The following SRBD1 variants were observed in gnomAD, a reference collection of about 807,000 sequenced individuals.
SRBD1 encodes the protein S1 RNA binding domain 1.
Under a neutral mutation model 115.3 loss-of-function variants are expected in SRBD1, and 88 were observed. The observed-to-expected ratio is 0.76, with a 90% CI of 0.64 to 0.91. The LOEUF (loss-of-function observed/expected upper bound fraction) is 0.91, where lower values mean the gene tolerates loss of function less well. SRBD1 is among the 40% of genes least tolerant of loss of function. The probability of loss-of-function intolerance (pLI) is 0.00; values close to 1 mark genes in which losing one functional copy is unlikely to be tolerated. For synonymous variants in SRBD1, 509 were observed against 407.7 expected, an observed-to-expected ratio of 1.25 and a Z score of -2.99; for missense variants, 1,385 against 1,177.4, an observed-to-expected ratio of 1.18 and a Z score of -2.58.
intron 14 of SRBD1, among the ~76,000 whole-genome samples, chr2:45,500,427 AT>A (rs34766902): frequency 0.13 from 19,140 of 144,846 alleles, 1,262 homozygotes; most frequent in South Asian, 0.2. Flanking sequence ...AACAATATTG[AT>A]TTTTTTTTTT....
chr2:45,562,742 G>T lies in SRBD1; in HGVS notation c.1320C>A (p.Asn440Lys). 1.9e-6 allele frequency: 3 copies of T among 1,605,892 alleles called. No individual in the cohort carries two copies. Among genetic ancestry groups the T allele is most frequent in the Non-Finnish European group, 2.5e-6 (3 of 1,177,562 alleles). ...NIHHHQILAI[N>K]RGENLKVLTV... ...TCAGTACCTTCAAATTTTCTCCACG[G>T]TTAATTGCCAGAATCTGAGTGCAAA... Residue 440 changes from asparagine to lysine, a missense_variant, in exon 10 of 21, where the codon AAC becomes AAA. Asn to Lys is a moderately conservative substitution (Grantham distance 94, BLOSUM62 0). Transcript: ENST00000263736.
intron 19 of SRBD1, among the ~76,000 whole-genome samples, chr2:45,403,265 G>A (rs1166350061): frequency 6.6e-6 from 1 of 151,862 alleles, no homozygotes; most frequent in East Asian, 1.9e-4. Context: ...AGGAAAGGAT[G>A]ATCTATGTGT....
intron 16 of SRBD1, among the ~76,000 whole-genome samples, chr2:45,435,239 T>C (rs1042363481): frequency 2.0e-5 from 3 of 152,104 alleles, no homozygotes; most frequent in African/African-American, 4.8e-5. Flanking sequence ...GCAACCAATT[T>C]TAGACAGCTG....
chr2:45,440,724 A>C (rs1216484778), intron 16 of SRBD1, among the ~76,000 whole-genome samples: 1 of 152,182 alleles, frequency 6.6e-6, no homozygotes, highest in African/African-American at 2.4e-5. Context: ...CATAAGAAAG[A>C]ATTTTTCCCT....
At chr2:45,412,280 T>C (rs968260199) in intron 19 of SRBD1, among the ~76,000 whole-genome samples, 1 of 152,194 alleles carries the variant, frequency 6.6e-6, no homozygotes, top group African/African-American at 2.4e-5. Flanking sequence ...TTTTTCATCA[T>C]AAAACTGTTG....
intron 7 of SRBD1, among the ~76,000 whole-genome samples, chr2:45,577,823 T>TA (rs565049381): frequency 1.4e-4 from 21 of 148,304 alleles, no homozygotes; most frequent in Admixed American, 7.4e-4. Flanking sequence ...CTATCAAACT[T>TA]AAAAAAAAAA....
chr2:45,425,771 A>G (rs1668134389), intron 16 of SRBD1, among the ~76,000 whole-genome samples: 1 of 152,034 alleles, frequency 6.6e-6, no homozygotes, highest in Non-Finnish European at 1.5e-5. Context: ...GCTGTGAGGG[A>G]CCGTGCTGTG....
At chr2:45,462,631 G>A (rs1306995454) in intron 16 of SRBD1, among the ~76,000 whole-genome samples, 1 of 151,044 alleles carries the variant, frequency 6.6e-6, no homozygotes, top group African/African-American at 2.4e-5. Flanking sequence ...GGCCAACATG[G>A]TGAAACCCCG....
intron 14 of SRBD1, among the ~76,000 whole-genome samples, chr2:45,524,894 A>G (rs1671394662): frequency 6.6e-6 from 1 of 152,032 alleles, no homozygotes; most frequent in Non-Finnish European, 1.5e-5. Context: ...AAAACTGACT[A>G]TGAAACAATA....
intron 2 of SRBD1, among the ~76,000 whole-genome samples, chr2:45,604,594 CA>C (rs376906801): frequency 1.8e-4 from 27 of 152,250 alleles, no homozygotes; most frequent in African/African-American, 6.5e-4. Context: ...CTGAACACAC[CA>C]AACTTATTCC....
chr2:45,510,676 T>C (rs1470666591), intron 14 of SRBD1, among the ~76,000 whole-genome samples: 3 of 152,246 alleles, frequency 2.0e-5, no homozygotes, highest in Admixed American at 2.0e-4. Flanking sequence ...AATTGTTTCT[T>C]GTCAAATTAA....
chr2:45,571,517 CAAAAAAAAA>C lies in SRBD1; in HGVS notation c.1305+1681_1305+1689del, dbSNP rs58100763. On this transcript the variant is annotated intron_variant, in intron 9 of 20. Coordinates refer to ENST00000263736, the MANE Select transcript of SRBD1 (RefSeq NM_018079.5). The stretch of plus-strand genomic sequence containing the variant: ...AAAATACAACATATCCAGACTTTAC[CAAAAAAAAA>C]AAAAAAAAAAAAAAAACTGTCCATG... Among the ~76,000 whole-genome samples the C allele has an allele frequency of 2.5e-4, 10 of 39,404 alleles. No individual in the cohort carries two copies. The South Asian group carries it at 9.5e-3, about 38-fold the overall frequency. The allele number at this position is 39,404 out of a possible 152,430, so 25.9% of individuals were successfully genotyped here. A position where few individuals can be genotyped will look rare whatever the true frequency, so the allele number is the denominator to read the frequency against.
intron 14 of SRBD1, among the ~76,000 whole-genome samples, chr2:45,514,118 T>C (rs777099829): frequency 1.2e-4 from 18 of 152,190 alleles, no homozygotes; most frequent in Non-Finnish European, 1.8e-4. Flanking sequence ...ACTTGATAAA[T>C]AGCAGTAAAG....
chr2:45,583,445 A>T (rs973193896), intron 5 of SRBD1, among the ~76,000 whole-genome samples: 1 of 152,230 alleles, frequency 6.6e-6, no homozygotes, highest in Admixed American at 6.5e-5. Flanking sequence ...AAAAATACAG[A>T]AAACTTTTCT....
chr2:45,602,337 A>C (rs934253801), intron 2 of SRBD1, among the ~76,000 whole-genome samples: 2 of 152,202 alleles, frequency 1.3e-5, no homozygotes, highest in African/African-American at 4.8e-5. Context: ...CTAACTGACA[A>C]ACACATACAC....
intron 14 of SRBD1, among the ~76,000 whole-genome samples, chr2:45,532,859 G>A (rs1671655278): frequency 6.6e-6 from 1 of 151,982 alleles, no homozygotes; most frequent in Non-Finnish European, 1.5e-5. Flanking sequence ...AAGAACTACT[G>A]TTTTCAACTA....
chr2:45,576,932 A>G (rs1373149243), intron 7 of SRBD1, among the ~76,000 whole-genome samples: 1 of 152,212 alleles, frequency 6.6e-6, no homozygotes, highest in Non-Finnish European at 1.5e-5. Flanking sequence ...TAATTAATGA[A>G]TCTAATTAAA....
At chr2:45,513,641 T>C (rs1235761389) in intron 14 of SRBD1, among the ~76,000 whole-genome samples, 1 of 152,138 alleles carries the variant, frequency 6.6e-6, no homozygotes, top group African/African-American at 2.4e-5. Flanking sequence ...CTCAGGTCCC[T>C]TCAAGAAAAT....
rs543767102 is a variant in SRBD1 at position 45,594,714 on chromosome 2, G to A, written c.648+4735C>T. Among the ~76,000 whole-genome samples, 204 of 152,194 alleles carry A rather than the reference G, an allele frequency of 1.3e-3. 1 individual carries two copies. Among genetic ancestry groups the A allele is most frequent in the Non-Finnish European group, 2.1e-3 (145 of 68,000 alleles). ...GGATGAAGCTCCTGCAGTAGGCCCC[G>A]ATAGACCCTATGTTCCATAGACTAA... On this transcript the variant is annotated intron_variant, in intron 4 of 20. Coordinates refer to ENST00000263736, the MANE Select transcript of SRBD1 (RefSeq NM_018079.5).
Sources: gnomAD v4.1 joint callset for allele counts (sites outside exome capture counted in the v4.1 genomes callset) on GRCh38, gnomAD v4.1.1 for gene constraint, MANE v1.5 for transcripts, NCBI Gene and HGNC (gene_info 2026-07-23, HGNC 2026-07-21) for gene names.